Variants in PHACTR1 observed in about 807,000 individuals in gnomAD.
PHACTR1 encodes phosphatase and actin regulator 1, also known as RPEL repeat containing 1.
In PHACTR1, 16 loss-of-function variants were observed where a neutral mutation model predicts 69.2. The observed-to-expected ratio is 0.23, with a 90% CI of 0.16 to 0.35. The LOEUF is 0.35. Ranked by LOEUF, PHACTR1 falls within the 10% of genes least tolerant of loss-of-function variation. The pLI is 1.00. For synonymous variants in PHACTR1, 312 were observed against 284.5 expected, an observed-to-expected ratio of 1.10 and a Z score of -0.97; for missense variants, 510 against 734.7, an observed-to-expected ratio of 0.69 and a Z score of 3.54.
chr6:13,119,342 G>T (rs114133629), intron 5 of PHACTR1, among the ~76,000 whole-genome samples: 2 of 152,162 alleles, frequency 1.3e-5, no homozygotes, highest in South Asian at 2.1e-4. Flanking sequence ...GATTTTTCAC[G>T]TATAAAGTTT....
At chr6:13,199,191 G>C (rs1422624633) in intron 7 of PHACTR1, among the ~76,000 whole-genome samples, 1 of 152,048 alleles carries the variant, frequency 6.6e-6, no homozygotes, top group Non-Finnish European at 1.5e-5. Flanking sequence ...TTTGAGACCA[G>C]CTTGGCCAGC....
intron 3 of PHACTR1, among the ~76,000 whole-genome samples, chr6:12,737,851 C>T (rs1416837691): frequency 6.6e-6 from 1 of 152,172 alleles, no homozygotes; most frequent in African/African-American, 2.4e-5. Flanking sequence ...CCTCAAAATG[C>T]TGAGATTATA....
intron 5 of PHACTR1, among the ~76,000 whole-genome samples, chr6:13,143,618 A>G (rs1822846249): frequency 2.0e-5 from 3 of 152,164 alleles, no homozygotes. Context: ...CCTTCAAGTG[A>G]TACTGCTACC....
At chr6:12,870,783 CACTG>C (rs1393518740) in intron 4 of PHACTR1, among the ~76,000 whole-genome samples, 1 of 152,204 alleles carries the variant, frequency 6.6e-6, no homozygotes, top group African/African-American at 2.4e-5. Flanking sequence ...CACATACACT[CACTG>C]ACAGGATTGT....
chr6:12,830,089 GAGGGAAAGAAA>G (rs1777298847), intron 4 of PHACTR1, among the ~76,000 whole-genome samples: 2 of 121,696 alleles, frequency 1.6e-5, no homozygotes, highest in African/African-American at 6.3e-5. Flanking sequence ...AGGAAGGAAG[GAGGGAAAGAAA>G]GAAAGAAAGA....
intron 5 of PHACTR1, among the ~76,000 whole-genome samples, chr6:13,143,157 G>A (rs1822766034): frequency 6.6e-6 from 1 of 152,168 alleles, no homozygotes; most frequent in Admixed American, 6.5e-5. Flanking sequence ...GAAAGGAAGG[G>A]AAGTGGAGAT....
chr6:12,718,931 T>TACA, intron 3 of PHACTR1, 84 bp downstream of exon 3: 1 of 743,376 alleles, frequency 1.3e-6, no homozygotes, highest in Non-Finnish European at 2.1e-6. Context: ...TGTTAAAGCC[T>TACA]TGCTCTGAAA....
chr6:12,938,758 A>G (rs959774109), intron 4 of PHACTR1, among the ~76,000 whole-genome samples: 1 of 152,122 alleles, frequency 6.6e-6, no homozygotes, highest in African/African-American at 2.4e-5. Context: ...TTCTGTTGCT[A>G]TCGACTAGCC....
At chr6:12,749,576 G>T in intron 3 of PHACTR1, 68 bp from the exon 4 acceptor site, 1 of 573,094 alleles carries the variant, frequency 1.7e-6, no homozygotes, top group Non-Finnish European at 2.8e-6. Context: ...CCGTGCGCGA[G>T]CCTCTTCCTC....
intron 5 of PHACTR1, among the ~76,000 whole-genome samples, chr6:13,114,363 A>G (rs568063268): frequency 6.6e-6 from 1 of 152,238 alleles, no homozygotes; most frequent in African/African-American, 2.4e-5. Flanking sequence ...TTCTTGGTAC[A>G]TTCTTAGGAA....
chr6:13,049,174 T>TG (rs557086444), intron 4 of PHACTR1, among the ~76,000 whole-genome samples: 1 of 152,238 alleles, frequency 6.6e-6, no homozygotes, highest in Non-Finnish European at 1.5e-5. Flanking sequence ...ATTATTTTAA[T>TG]GGGGCAATTT....
intron 3 of PHACTR1, among the ~76,000 whole-genome samples, chr6:12,743,798 A>C (rs1304470024): frequency 6.6e-6 from 1 of 152,208 alleles, no homozygotes; most frequent in Admixed American, 6.5e-5. Context: ...GCTCTGCACC[A>C]AGTGGACCTA....
At chr6:12,817,762 T>C (rs1175999985) in intron 4 of PHACTR1, among the ~76,000 whole-genome samples, 1 of 152,112 alleles carries the variant, frequency 6.6e-6, no homozygotes, top group Non-Finnish European at 1.5e-5. Flanking sequence ...CCTCTATTAG[T>C]AAGGTAAACT....
rs560858091 is a variant in PHACTR1 at position 13,018,735 on chromosome 6, G to A, written c.251-34630G>A. Reference sequence around the variant, plus strand: ...GTTCCACCTTGGGCAAGAGAAGGAAGGTCAGGAAAAGCCTCTTTCAGTTTC... The same window carrying A: ...GTTCCACCTTGGGCAAGAGAAGGAAAGTCAGGAAAAGCCTCTTTCAGTTTC... On this transcript the variant is annotated intron_variant, in intron 4 of 14. Coordinates refer to ENST00000332995, the MANE Select transcript of PHACTR1 (RefSeq NM_030948.6). Among the ~76,000 whole-genome samples the A allele has an allele frequency of 6.6e-5, 10 of 152,276 alleles. No individual in the cohort carries two copies. In the South Asian group the frequency reaches 2.1e-3, roughly 32 times the overall value.
intron 4 of PHACTR1, among the ~76,000 whole-genome samples, chr6:13,003,432 C>G (rs1798327263): frequency 6.6e-6 from 1 of 151,840 alleles, no homozygotes; most frequent in Non-Finnish European, 1.5e-5. Flanking sequence ...TGTTTCAGTA[C>G]TTTAAAAATA....
intron 5 of PHACTR1, among the ~76,000 whole-genome samples, chr6:13,093,547 C>T (rs1813639760): frequency 6.6e-6 from 1 of 152,168 alleles, no homozygotes; most frequent in Non-Finnish European, 1.5e-5. Context: ...ACATTTCAGG[C>T]CAATTTAGTT....
At chr6:13,126,491 C>G (rs1819545129) in intron 5 of PHACTR1, among the ~76,000 whole-genome samples, 1 of 152,200 alleles carries the variant, frequency 6.6e-6, no homozygotes, top group South Asian at 2.1e-4. Context: ...CCAAACTCTT[C>G]CCACTGAAGA....
intron 4 of PHACTR1, among the ~76,000 whole-genome samples, chr6:12,831,976 C>T (rs202132211): frequency 6.6e-6 from 1 of 152,056 alleles, no homozygotes; most frequent in Non-Finnish European, 1.5e-5. Flanking sequence ...CTTGACGGTA[C>T]ATCCATCTGT....
intron 10 of PHACTR1, among the ~76,000 whole-genome samples, chr6:13,231,989 T>C (rs1269923246): frequency 6.6e-6 from 1 of 152,238 alleles, no homozygotes; most frequent in Non-Finnish European, 1.5e-5. Context: ...TGTGAGTGCC[T>C]GGACATAATG....
Sources: gnomAD v4.1 joint callset for allele counts (sites outside exome capture counted in the v4.1 genomes callset) on GRCh38, gnomAD v4.1.1 for gene constraint, MANE v1.5 for transcripts, NCBI Gene and HGNC (gene_info 2026-07-23, HGNC 2026-07-21) for gene names.